The following USP10 variants were observed in gnomAD, a reference collection of about 807,000 sequenced individuals.
USP10 encodes ubiquitin carboxyl-terminal hydrolase 10.
Under a neutral mutation model 84.5 loss-of-function variants are expected in USP10, and 22 were observed. That is an observed-to-expected ratio of 0.26 (90% CI 0.19 to 0.37). USP10 has a LOEUF of 0.37. USP10 is among the 10% of genes least tolerant of loss of function. The pLI is 1.00. For missense variants in USP10, 1,019 were observed against 998.9 expected (o/e 1.02, Z -0.27); for synonymous variants, 454 against 387.6 (o/e 1.17, Z -2.01).
chr16:84,771,764 A>G (rs909197806), intron 11 of USP10, among the ~76,000 whole-genome samples: 1 of 152,052 alleles, frequency 6.6e-6, no homozygotes, highest in African/African-American at 2.4e-5. Context: ...GCTACTCAGG[A>G]GGCTGAGGCA....
chr16:84,704,814 C>T lies in USP10; in HGVS notation c.21+4703C>T, dbSNP rs73243904. 3.6e-3 allele frequency: 5,452 copies of T among 1,535,654 alleles called. 183 individuals are homozygous for T. In the African/African-American group the frequency reaches 0.064, roughly 18 times the overall value. ...CTCTACCAGCACTGCCATTCTGTCC[C>T]GTCTTGAAACATCATGCCCTGGTTG... On this transcript the variant is annotated intron_variant, in intron 1 of 13. Coordinates refer to ENST00000219473, the MANE Select transcript of USP10 (RefSeq NM_005153.3).
chr16:84,701,169 C>G (rs1904814464), intron 1 of USP10, among the ~76,000 whole-genome samples: 1 of 152,164 alleles, frequency 6.6e-6, no homozygotes, highest in African/African-American at 2.4e-5. Context: ...TGAAGTCAAT[C>G]TGACTACACC....
chr16:84,702,623 G>A (rs1291981669), intron 1 of USP10, among the ~76,000 whole-genome samples: 1 of 152,092 alleles, frequency 6.6e-6, no homozygotes, highest in Non-Finnish European at 1.5e-5. Flanking sequence ...GCAAATTGAA[G>A]GTCTTATTTT....
Position 84,779,166 on chromosome 16 carries a change from C to T in USP10, c.*84C>T. 2 of 1,481,438 alleles carry T rather than the reference C, an allele frequency of 1.4e-6. No homozygotes were observed. The highest frequency in any genetic ancestry group is 1.8e-6 in the Non-Finnish European group (2 of 1,098,992). 91.8% of individuals were successfully genotyped at this position (1,481,438 alleles called of 1,614,324 possible). ...CACTTCCCGCCTCTCTTTAGTGGCT[C>T]TTTAGAGAGAAACTCTTTCTCCCTT... is the stretch of plus-strand genomic sequence containing the variant. On this transcript the variant is annotated 3_prime_UTR_variant, in exon 14 of 14. Transcript: ENST00000219473.
At chr16:84,701,934 C>CT (rs749796171) in intron 1 of USP10, among the ~76,000 whole-genome samples, 33,933 of 92,176 alleles carry the variant, frequency 0.37, 6,219 homozygotes, top group East Asian at 0.69. Context: ...TAATTTTCTT[C>CT]TTCTTTTTTT....
intron 11 of USP10, among the ~76,000 whole-genome samples, chr16:84,769,909 G>C (rs1179588556): frequency 6.6e-6 from 1 of 152,206 alleles, no homozygotes; most frequent in Non-Finnish European, 1.5e-5. Context: ...AGTGAAGAAA[G>C]AATGGTTTAT....
intron 1 of USP10, chr16:84,716,183 C>G (rs890431719): frequency 6.6e-5 from 10 of 152,472 alleles, no homozygotes; most frequent in Non-Finnish European, 1.3e-4. Context: ...TCTCCCCCCT[C>G]TCCTTTTCCA....
chr16:84,756,114 C>T (rs959541080), intron 4 of USP10, among the ~76,000 whole-genome samples: 1 of 141,246 alleles, frequency 7.1e-6, no homozygotes, highest in African/African-American at 2.5e-5. Context: ...CTCCCAACAC[C>T]CCTTCAGCTT....
intron 1 of USP10, chr16:84,732,461 T>G: frequency 2.4e-6 from 1 of 410,252 alleles, no homozygotes; most frequent in South Asian, 1.7e-5. Context: ...TTTTTTTTCT[T>G]TTTGAGATGG....
chr16:84,709,124 A>G (rs1905935851), intron 1 of USP10: 1 of 152,252 alleles, frequency 6.6e-6, no homozygotes, highest in Non-Finnish European at 1.5e-5. Context: ...GAGCGAAAAC[A>G]GGCATTGTTT....
In USP10 at chr16:84,719,081, C is replaced by G. The variant is rs372478454; in HGVS notation, c.22-14354C>G. Among the ~76,000 whole-genome samples, 58 of 152,130 alleles carry G rather than the reference C, an allele frequency of 3.8e-4. No homozygotes were observed. The East Asian group carries it at 9.5e-3, about 25-fold the overall frequency. ...TGCTGGGATTACAGGCATGAGCCAC[C>G]GCGCCCGGCCAGTTTAGTTGTTGTT... On this transcript the variant is annotated intron_variant, in intron 1 of 13. Transcript: ENST00000219473.
At chr16:84,712,746 G>A (rs1160274600) in intron 1 of USP10, among the ~76,000 whole-genome samples, 1 of 152,134 alleles carries the variant, frequency 6.6e-6, no homozygotes, top group African/African-American at 2.4e-5. Context: ...TGCTCTTCAG[G>A]TTCTTCAGTG....
At chr16:84,725,651 G>A (rs769191472) in intron 1 of USP10, among the ~76,000 whole-genome samples, 3 of 152,010 alleles carry the variant, frequency 2.0e-5, no homozygotes, top group East Asian at 1.9e-4. Context: ...TGATCCACCC[G>A]CCTCGGCCCC....
At chr16:84,752,365 C>T (rs1210836622) in intron 4 of USP10, among the ~76,000 whole-genome samples, 1 of 152,126 alleles carries the variant, frequency 6.6e-6, no homozygotes, top group South Asian at 2.1e-4. Flanking sequence ...CTATTATATG[C>T]CCTTAAAGAA....
At chr16:84,769,855 C>T (rs1914245051) in intron 11 of USP10, among the ~76,000 whole-genome samples, 1 of 151,820 alleles carries the variant, frequency 6.6e-6, no homozygotes, top group African/African-American at 2.4e-5. Context: ...GGTGTGGGGG[C>T]AGGGGTTGAG....
intron 8 of USP10, among the ~76,000 whole-genome samples, chr16:84,761,324 T>C (rs929839499): frequency 2.6e-5 from 4 of 152,140 alleles, no homozygotes; most frequent in African/African-American, 7.2e-5. Context: ...AACAAAAGCA[T>C]CTTCTAAAGG....
At chr16:84,719,599 C>T (rs115667642) in intron 1 of USP10, among the ~76,000 whole-genome samples, 1 of 152,186 alleles carries the variant, frequency 6.6e-6, no homozygotes, top group Non-Finnish European at 1.5e-5. Flanking sequence ...GTGAGTACCA[C>T]CGCGGATTGG....
intron 11 of USP10, 42 bp from the exon 12 acceptor site, chr16:84,772,499 G>A: frequency 6.2e-7 from 1 of 1,609,220 alleles, no homozygotes; most frequent in Non-Finnish European, 8.5e-7. Flanking sequence ...GCTGTTGCAA[G>A]TAAGACAGGG....
Position 84,745,157 on chromosome 16 carries a change from A to G in USP10, c.676A>G (p.Ser226Gly), listed in dbSNP as rs553832171. 6.2e-7 allele frequency: 1 copy of G among 1,613,446 alleles called. No individual in the cohort carries two copies. Among genetic ancestry groups the G allele is most frequent in the African/African-American group, 1.3e-5 (1 of 75,050 alleles). ...TDSVSDIVPDSPFPGALGSDT... is the reference protein window; with the variant it reads ...TDSVSDIVPDGPFPGALGSDT... ...CTCTGTCAGTGACATTGTGCCTGACAGTCCTTTCCCCGGAGCACTCGGCAG... is the reference window on the plus strand; with the variant it reads ...CTCTGTCAGTGACATTGTGCCTGACGGTCCTTTCCCCGGAGCACTCGGCAG... Residue 226 changes from serine (S) to glycine (G), a missense_variant, in exon 4 of 14, where the codon AGT (serine) becomes GGT (glycine). Ser to Gly is a moderately conservative substitution (Grantham distance 56). Transcript: ENST00000219473.
Sources: allele counts gnomAD v4.1 joint callset (sites outside exome capture counted in the v4.1 genomes callset), GRCh38; gene constraint gnomAD v4.1.1; transcripts MANE v1.5; gene names NCBI Gene and HGNC (gene_info 2026-07-23, HGNC 2026-07-21).